DLG2: variants seen among roughly 807,000 people sequenced by gnomAD.
DLG2 encodes discs large MAGUK scaffold protein 2, also known as disks large homolog 2.
DLG2 carries 45 observed loss-of-function variants against 132.5 expected under a neutral mutation model. The ratio of observed to expected loss-of-function variants is 0.34; its 90% CI spans 0.27 to 0.44. DLG2 has a LOEUF of 0.44. DLG2 is among the 20% of genes least tolerant of loss of function. The pLI is 1.00. For missense variants in DLG2, 1,045 were observed against 1,196.9 expected (o/e 0.87, Z 1.87); for synonymous variants, 424 against 419.6 (o/e 1.01, Z -0.13).
intron 6 of DLG2, among the ~76,000 whole-genome samples, chr11:84,995,423 A>C (rs1379244184): frequency 1.3e-5 from 2 of 152,152 alleles, no homozygotes; most frequent in African/African-American, 2.4e-5. Flanking sequence ...AACAGTGCTC[A>C]TCATAGCTCT....
At chr11:84,066,488 G>C (rs74656561) in intron 10 of DLG2, among the ~76,000 whole-genome samples, 1 of 152,166 alleles carries the variant, frequency 6.6e-6, no homozygotes, top group African/African-American at 2.4e-5. Context: ...GGCCGGGAGC[G>C]ATGGCTTATG....
chr11:83,499,679 TG>T (rs935416187), intron 21 of DLG2, among the ~76,000 whole-genome samples: 6 of 150,660 alleles, frequency 4.0e-5, no homozygotes, highest in Admixed American at 2.0e-4. Flanking sequence ...AAAGTTCTTC[TG>T]TTTGGGACTC....
At chr11:84,578,244 C>A (rs2099507937) in intron 6 of DLG2, among the ~76,000 whole-genome samples, 2 of 152,140 alleles carry the variant, frequency 1.3e-5, no homozygotes, top group South Asian at 4.1e-4. Context: ...CATACAAAGT[C>A]CCTACTGGGG....
At chr11:85,058,088 T>G (rs896624399) in intron 6 of DLG2, among the ~76,000 whole-genome samples, 1 of 151,388 alleles carries the variant, frequency 6.6e-6, no homozygotes, top group African/African-American at 2.4e-5. Flanking sequence ...AGAAAAAAAT[T>G]AGAAGAGACC....
At chr11:84,394,725 G>A (rs1162159832) in intron 7 of DLG2, among the ~76,000 whole-genome samples, 1 of 151,768 alleles carries the variant, frequency 6.6e-6, no homozygotes, top group Non-Finnish European at 1.5e-5. Flanking sequence ...GGGTTCAAGC[G>A]ATTCTCCTGC....
chr11:84,099,135 C>G (rs148059903), intron 9 of DLG2, 88 bp from the exon 10 acceptor site: 17 of 1,222,684 alleles, frequency 1.4e-5, no homozygotes, highest in African/African-American at 3.0e-5. Flanking sequence ...TGTTACTACT[C>G]AAATGGAAAT....
At chr11:83,801,252 T>C (rs2044293424) in intron 17 of DLG2, among the ~76,000 whole-genome samples, 2 of 152,026 alleles carry the variant, frequency 1.3e-5, no homozygotes, top group African/African-American at 2.4e-5. Context: ...TCCCTGGGAA[T>C]ACTACAGTAG....
At chr11:84,772,528 T>C (rs1053125498) in intron 6 of DLG2, among the ~76,000 whole-genome samples, 8 of 152,176 alleles carry the variant, frequency 5.3e-5, no homozygotes, top group African/African-American at 9.7e-5. Context: ...TACTCCAAGA[T>C]TGGCCACACA....
intron 6 of DLG2, among the ~76,000 whole-genome samples, chr11:84,950,951 A>G (rs961602794): frequency 3.9e-5 from 6 of 152,200 alleles, no homozygotes; most frequent in Non-Finnish European, 7.3e-5. Context: ...TTTACTTTAA[A>G]TCTATTTTTA....
intron 4 of DLG2, among the ~76,000 whole-genome samples, chr11:85,199,180 T>C (rs1331109846): frequency 1.3e-5 from 2 of 152,158 alleles, no homozygotes; most frequent in Non-Finnish European, 2.9e-5. Context: ...GATCAAGTTG[T>C]GATATATTTA....
chr11:84,324,560 A>C (rs1190687690), intron 7 of DLG2, among the ~76,000 whole-genome samples: 2 of 151,770 alleles, frequency 1.3e-5, no homozygotes, highest in Admixed American at 1.3e-4. Flanking sequence ...ATTTTTTTTA[A>C]ATTTTCCTGT....
At chr11:83,772,225 T>A (rs918073135) in intron 18 of DLG2, among the ~76,000 whole-genome samples, 1 of 151,828 alleles carries the variant, frequency 6.6e-6, no homozygotes, top group African/African-American at 2.4e-5. Flanking sequence ...CTGGGCAACA[T>A]AGTGAAACCC....
chr11:84,757,610 A>T (rs1428990160), intron 6 of DLG2, among the ~76,000 whole-genome samples: 1 of 152,218 alleles, frequency 6.6e-6, no homozygotes, highest in Non-Finnish European at 1.5e-5. Flanking sequence ...AAAGATAATG[A>T]AGATGAGGAT....
intron 6 of DLG2, among the ~76,000 whole-genome samples, chr11:84,816,091 T>C (rs931117230): frequency 6.6e-6 from 1 of 152,022 alleles, no homozygotes; most frequent in Non-Finnish European, 1.5e-5. Flanking sequence ...CTCTGCATCA[T>C]AGAGTGGCAC....
rs2091120695 is a variant in DLG2 at position 83,466,824 on chromosome 11, G to C, written c.2620-7C>G. 1 of 1,580,902 alleles carries C rather than the reference G, an allele frequency of 6.3e-7. No individual in the cohort carries two copies. The highest frequency in any genetic ancestry group is 1.3e-5 in the African/African-American group (1 of 74,204). On this transcript the variant is annotated splice_region_variant and splice_polypyrimidine_tract_variant and intron_variant, in intron 25 of 27. Coordinates refer to ENST00000376104, the MANE Select transcript of DLG2 (RefSeq NM_001142699.3). ...CAAGTATACAGTGTTTGCCCTGGTAGAAAGAGAAGAAAAATATGAAGTTAA... is the reference window on the plus strand; with the variant it reads ...CAAGTATACAGTGTTTGCCCTGGTACAAAGAGAAGAAAAATATGAAGTTAA...
chr11:85,508,461 C>G (rs1004350461), intron 3 of DLG2, among the ~76,000 whole-genome samples: 10 of 152,020 alleles, frequency 6.6e-5, no homozygotes, highest in Admixed American at 5.9e-4. Flanking sequence ...CCTTTCCTTT[C>G]TACCTTAGGT....
intron 6 of DLG2, among the ~76,000 whole-genome samples, chr11:84,602,227 G>C (rs2099577868): frequency 6.6e-6 from 1 of 151,718 alleles, no homozygotes. Flanking sequence ...CAGTAAAATA[G>C]CTGCAATAAA....
intron 7 of DLG2, among the ~76,000 whole-genome samples, chr11:84,294,978 T>C (rs576566494): frequency 6.6e-6 from 1 of 152,362 alleles, no homozygotes; most frequent in Non-Finnish European, 1.5e-5. Flanking sequence ...AAAACTATAT[T>C]GTTTTTACTT....
At chr11:84,586,105 C>G (rs966513133) in intron 6 of DLG2, among the ~76,000 whole-genome samples, 4 of 141,846 alleles carry the variant, frequency 2.8e-5, no homozygotes, top group Admixed American at 7.0e-5. Flanking sequence ...GAGCCAAGAT[C>G]GTGCCACTGC....
Sources: allele counts gnomAD v4.1 joint callset (sites outside exome capture counted in the v4.1 genomes callset), GRCh38; gene constraint gnomAD v4.1.1; transcripts MANE v1.5; gene names NCBI Gene and HGNC (gene_info 2026-07-23, HGNC 2026-07-21).